The following CLIP1 variants were observed in gnomAD, a reference collection of about 807,000 sequenced individuals.
CLIP1 encodes the protein CAP-Gly domain containing linker protein 1, also known as CAP-Gly domain-containing linker protein 1.
In CLIP1, 66 loss-of-function variants were observed where a neutral mutation model predicts 161.6. That is an observed-to-expected ratio of 0.41 (90% CI 0.33 to 0.50). CLIP1 has a LOEUF of 0.50. Ranked by LOEUF, CLIP1 falls within the 20% of genes least tolerant of loss-of-function variation. CLIP1 has a pLI of 0.27. For synonymous variants in CLIP1, 598 were observed against 626.2 expected (o/e 0.96, Z 0.67); for missense variants, 1,376 against 1,702.0 (o/e 0.81, Z 3.37).
At position 122,279,126 on chromosome 12, in the gene CLIP1, C is replaced by G; in HGVS notation, c.3667G>C (p.Asp1223His). Residue 1223 changes from aspartate to histidine, a missense_variant, in exon 22 of 26, where the codon GAC (aspartate) becomes CAC (histidine). Transcript: ENST00000620786. This position sits in a 1 kb window ranked among gnomAD's most constrained non-coding sequence, Gnocchi z 4.5. The part of the protein sequence containing the change: ...MKKRESKFIK[D>H]ADEEKASLQK... Reference sequence around the variant, plus strand: ...AAGGAAGCTTTCTCTTCATCTGCGTCTTTTATGAACTTGGATTCTCTAAAA... The same window carrying G: ...AAGGAAGCTTTCTCTTCATCTGCGTGTTTTATGAACTTGGATTCTCTAAAA... The G allele has an allele frequency of 6.2e-7, 1 of 1,611,020 alleles. No individual in the cohort carries two copies. The highest frequency in any genetic ancestry group is 1.1e-5 in the South Asian group (1 of 90,450).
In CLIP1 at chr12:122,276,382, C is replaced by CCACA. The variant is rs71082959; in HGVS notation, c.3966+1768_3966+1771dup. The CCACA allele has an allele frequency of 1.2e-3, 1,365 of 1,160,850 alleles. 3 individuals are homozygous for CCACA. The highest frequency in any genetic ancestry group is 3.4e-3 in the South Asian group (240 of 71,046). The allele number at this position is 1,160,850 out of a possible 1,614,324, so 71.9% of individuals were successfully genotyped here. On this transcript the variant is annotated intron_variant, in intron 24 of 25. Coordinates refer to ENST00000620786, the MANE Select transcript of CLIP1 (RefSeq NM_001247997.2). ...AAATGGACATAAGTATAGTGGGAAACCACACACACACACACACACACACGT... is the reference window on the plus strand; with the variant it reads ...AAATGGACATAAGTATAGTGGGAAACCACACACACACACACACACACACACACGT...
intron 3 of CLIP1, among the ~76,000 whole-genome samples, chr12:122,372,571 G>A (rs1954509055): frequency 6.6e-6 from 1 of 151,044 alleles, no homozygotes; most frequent in East Asian, 1.9e-4. Flanking sequence ...GGGCAAAAGA[G>A]CGAGATTCCA....
chr12:122,404,509 G>A (rs1333569809), intron 1 of CLIP1, among the ~76,000 whole-genome samples: 1 of 152,104 alleles, frequency 6.6e-6, no homozygotes, highest in Non-Finnish European at 1.5e-5. Context: ...TGAGGCAGGA[G>A]AATCGCTTGA....
chr12:122,394,488 C>CA (rs66683857), intron 1 of CLIP1, among the ~76,000 whole-genome samples: 40,319 of 58,000 alleles, frequency 0.7, 14,589 homozygotes, highest in Non-Finnish European at 0.76. Context: ...GACGCTGTCT[C>CA]AAAAAAAAAA....
intron 24 of CLIP1, chr12:122,274,507 G>T: frequency 1.3e-5 from 2 of 157,900 alleles, no homozygotes; most frequent in Admixed American, 6.3e-5. Context: ...ATGTTTCTAG[G>T]TATAACATGG....
chr12:122,372,356 G>T (rs915896741), intron 3 of CLIP1, among the ~76,000 whole-genome samples: 3 of 151,744 alleles, frequency 2.0e-5, no homozygotes, highest in Non-Finnish European at 4.4e-5. Context: ...GGAGGCGGAG[G>T]TTGCAGTGAG....
Position 122,285,228 on chromosome 12 carries a change from CTTT to C in CLIP1, c.3647+3258_3647+3260del, listed in dbSNP as rs56813970. Among the ~76,000 whole-genome samples the C allele has an allele frequency of 3.1e-3, 424 of 136,512 alleles. 5 individuals carry two copies. Among genetic ancestry groups the C allele is most frequent in the African/African-American group, 9.1e-3 (324 of 35,800 alleles). 89.6% of individuals were successfully genotyped at this position (136,512 alleles called of 152,430 possible). A position where few individuals can be genotyped will look rare whatever the true frequency, so the allele number is the denominator to read the frequency against. ...ACATAAATGTAGGGAGATACCAGTC[CTTT>C]TTTTTTTTTTTTTTGAGACGGAGTC... On this transcript the variant is annotated intron_variant, in intron 21 of 25. Coordinates refer to ENST00000620786, the MANE Select transcript of CLIP1 (RefSeq NM_001247997.2).
chr12:122,341,762 C>CCTTTTTTTTTTTTTTTTTTTTTTTTT (rs1566143047), intron 10 of CLIP1, 65 bp from the exon 11 acceptor site: 2 of 96,018 alleles, frequency 2.1e-5, no homozygotes, highest in Non-Finnish European at 2.1e-5. Flanking sequence ...ATTTTCTTTT[C>CCTTTTTTTTTTTTTTTTTTTTTTTTT]TTTTTTTTTT....
intron 3 of CLIP1, among the ~76,000 whole-genome samples, chr12:122,374,447 C>G (rs1333215806): frequency 6.7e-6 from 1 of 150,296 alleles, no homozygotes; most frequent in African/African-American, 2.4e-5. Flanking sequence ...GGTGAAACCC[C>G]GTCTCTACTA....
intron 22 of CLIP1, 34 bp downstream of exon 22, chr12:122,278,994 C>T (rs377004725): frequency 5.6e-6 from 9 of 1,605,624 alleles, no homozygotes; most frequent in African/African-American, 2.7e-5. Flanking sequence ...AAGGAGGCCG[C>T]GTGAAAGCTC....
At chr12:122,414,007 A>C (rs1956637879) in intron 1 of CLIP1, among the ~76,000 whole-genome samples, 1 of 152,172 alleles carries the variant, frequency 6.6e-6, no homozygotes, top group South Asian at 2.1e-4. Context: ...TACAAGCAAC[A>C]AAAAAAGTCT....
rs1218501292 is a variant in CLIP1, at chr12:122,355,065, C to T, written c.1203+50G>A. The T allele has an allele frequency of 6.4e-7, 1 of 1,561,212 alleles. No homozygotes were observed. Among genetic ancestry groups the T allele is most frequent in the Non-Finnish European group, 8.8e-7 (1 of 1,136,912 alleles). On this transcript the variant is annotated intron_variant, in intron 6 of 25. Transcript: ENST00000620786. The surrounding 1 kb of genome is among the most constrained non-coding windows in gnomAD (Gnocchi z 4.1). ...GCACCGGGCATGCTTCTCGGCTCCT[C>T]AGTGGCTTTAGAAACCATCACCATC...
At chr12:122,351,628 C>A (rs1158914344) in intron 8 of CLIP1, among the ~76,000 whole-genome samples, 1 of 152,110 alleles carries the variant, frequency 6.6e-6, no homozygotes, top group South Asian at 2.1e-4. Flanking sequence ...AGCCAGCAGA[C>A]TCTAAAATTG....
chr12:122,400,531 TG>T (rs74604367), intron 1 of CLIP1: 19,768 of 152,080 alleles, frequency 0.13, 1,652 homozygotes, highest in East Asian at 0.45. Flanking sequence ...ACATGGGAAA[TG>T]GCTCTCCAAG....
In CLIP1 at chr12:122,355,099, A is replaced by T; in HGVS notation, c.1203+16T>A. The T allele has an allele frequency of 6.2e-7, 1 of 1,611,094 alleles. No individual in the cohort carries two copies. Among genetic ancestry groups the T allele is most frequent in the Non-Finnish European group, 8.5e-7 (1 of 1,178,308 alleles). ...TAGAAACCATCACCATCTCCGCAAC[A>T]AGGTCCAGACTTCACCTGGTCATGT... On this transcript the variant is annotated intron_variant, in intron 6 of 25. Transcript: ENST00000620786. This position sits in a 1 kb window ranked among gnomAD's most constrained non-coding sequence, Gnocchi z 4.1.
At chr12:122,276,121 T>C (rs929335570) in intron 24 of CLIP1, among the ~76,000 whole-genome samples, 4 of 152,240 alleles carry the variant, frequency 2.6e-5, no homozygotes, top group African/African-American at 9.6e-5. Flanking sequence ...TATATAGATA[T>C]ACACACACAT....
At position 122,313,463 on chromosome 12, in the gene CLIP1, A is replaced by G. The variant is rs149746989; in HGVS notation, c.3473+3286T>C. Among the ~76,000 whole-genome samples the G allele has an allele frequency of 4.2e-3, 635 of 152,320 alleles. 8 individuals are homozygous for G. The highest frequency in any genetic ancestry group is 0.015 in the African/African-American group (609 of 41,566). ...GTCACCTGGCCGGGCGTGGTGGCTC[A>G]TGCCTATAATCCCAGTACTTTGGGA... On this transcript the variant is annotated intron_variant, in intron 19 of 25. Coordinates refer to ENST00000620786, the MANE Select transcript of CLIP1 (RefSeq NM_001247997.2).
At chr12:122,293,623 C>CG (rs2136338220) in intron 20 of CLIP1, among the ~76,000 whole-genome samples, 1 of 150,144 alleles carries the variant, frequency 6.7e-6, no homozygotes, top group Admixed American at 6.7e-5. Flanking sequence ...GGATTATAGG[C>CG]ATGTGCCACC....
chr12:122,336,600 C>T, intron 12 of CLIP1, 32 bp downstream of exon 12: 3 of 1,107,110 alleles, frequency 2.7e-6, no homozygotes, highest in South Asian at 1.3e-5. Context: ...TGGCCAGAAA[C>T]CCTGAGATTC....
Sources: allele counts gnomAD v4.1 joint callset (sites outside exome capture counted in the v4.1 genomes callset), GRCh38; gene constraint gnomAD v4.1.1; non-coding constraint Gnocchi (gnomAD v3.1); transcripts MANE v1.5; gene names NCBI Gene and HGNC (gene_info 2026-07-23, HGNC 2026-07-21).